The following AGBL4 variants were observed in gnomAD, a reference collection of about 807,000 sequenced individuals.
AGBL4 encodes cytosolic carboxypeptidase 6.
AGBL4 carries 58 observed loss-of-function variants against 66.4 expected under a neutral mutation model. The ratio of observed to expected loss-of-function variants is 0.87; its 90% confidence interval spans 0.71 to 1.09. AGBL4 has a LOEUF of 1.09. Ranked by LOEUF, AGBL4 falls within the 50% of genes least tolerant of loss-of-function variation. AGBL4 has a pLI of 0.00. For missense variants in AGBL4, 579 were observed against 631.0 expected (o/e 0.92, Z 0.88); for synonymous variants, 234 against 222.9 (o/e 1.05, Z -0.44).
At chr1:49,948,316 A>C (rs1290871757) in intron 1 of AGBL4, among the ~76,000 whole-genome samples, 1 of 111,862 alleles carries the variant, frequency 8.9e-6, no homozygotes, top group Non-Finnish European at 1.6e-5. Flanking sequence ...AAATATATAT[A>C]TAAATATATA....
chr1:48,870,869 C>T (rs1402565369), intron 5 of AGBL4, among the ~76,000 whole-genome samples: 1 of 152,182 alleles, frequency 6.6e-6, no homozygotes, highest in African/African-American at 2.4e-5. Context: ...ATTACAAAAC[C>T]TGCATGTTCT....
At chr1:48,619,095 G>T (rs187951418) in intron 9 of AGBL4, among the ~76,000 whole-genome samples, 1 of 152,300 alleles carries the variant, frequency 6.6e-6, no homozygotes, top group East Asian at 1.9e-4. Flanking sequence ...CTGCACTAGG[G>T]TCGTGGGCCT....
intron 3 of AGBL4, among the ~76,000 whole-genome samples, chr1:49,674,646 C>T (rs1646545871): frequency 6.6e-6 from 1 of 150,628 alleles, no homozygotes; most frequent in Non-Finnish European, 1.5e-5. Context: ...GCTAATGAGA[C>T]AGAAGAAAAA....
intron 1 of AGBL4, among the ~76,000 whole-genome samples, chr1:49,872,091 T>C (rs1403488544): frequency 2.0e-5 from 3 of 152,076 alleles, no homozygotes; most frequent in African/African-American, 4.8e-5. Context: ...AAAATTAAAA[T>C]AATATTTTGT....
intron 6 of AGBL4, among the ~76,000 whole-genome samples, chr1:48,673,983 GT>G (rs975947940): frequency 1.2e-4 from 19 of 152,052 alleles, no homozygotes; most frequent in African/African-American, 4.3e-4. Context: ...TCTCACTCCC[GT>G]ACTCCCAGTC....
chr1:49,636,200 C>T (rs927501950), intron 3 of AGBL4, among the ~76,000 whole-genome samples: 2 of 152,178 alleles, frequency 1.3e-5, no homozygotes, highest in Admixed American at 6.5e-5. Flanking sequence ...AAACAACAAA[C>T]TCTTATTTCT....
intron 5 of AGBL4, among the ~76,000 whole-genome samples, chr1:49,002,925 C>T (rs1380028846): frequency 1.3e-5 from 2 of 152,174 alleles, no homozygotes; most frequent in Non-Finnish European, 2.9e-5. Flanking sequence ...AGACCAGGAG[C>T]AGAGGCTTAG....
chr1:49,167,691 T>C (rs151205262), intron 4 of AGBL4, among the ~76,000 whole-genome samples: 112 of 152,332 alleles, frequency 7.4e-4, no homozygotes, highest in African/African-American at 2.6e-3. Context: ...GTGCTCTATG[T>C]TATGATTCAA....
intron 3 of AGBL4, among the ~76,000 whole-genome samples, chr1:49,431,354 A>G (rs1294638439): frequency 6.6e-6 from 1 of 152,224 alleles, no homozygotes; most frequent in Non-Finnish European, 1.5e-5. Flanking sequence ...CACAGCAATT[A>G]AAAATAACAT....
chr1:48,967,312 C>T lies in AGBL4; in HGVS notation c.594+78272G>A, dbSNP rs896428823. On this transcript the variant is annotated intron_variant, in intron 5 of 13. Coordinates refer to ENST00000371839, the MANE Select transcript of AGBL4 (RefSeq NM_032785.4). ...GTCACTATCATCATAATTCTGCTGC[C>T]CCCATCACCTTCATTCATAATTCAC... 3.9e-5 allele frequency among the ~76,000 whole-genome samples: 6 copies of T among 152,164 alleles called. No individual in the cohort carries two copies. The East Asian group carries it at 1.2e-3, about 29-fold the overall frequency.
chr1:48,845,558 A>C (rs1372866997), intron 6 of AGBL4, among the ~76,000 whole-genome samples: 8 of 152,146 alleles, frequency 5.3e-5, no homozygotes, highest in African/African-American at 1.9e-4. Flanking sequence ...GGTATTAATC[A>C]CTCTCTTTGC....
chr1:49,353,730 C>T (rs1049829220), intron 3 of AGBL4, among the ~76,000 whole-genome samples: 16 of 152,074 alleles, frequency 1.1e-4, no homozygotes, highest in Admixed American at 7.2e-4. Context: ...CCAGGCTCCA[C>T]GAGCAGAAGA....
chr1:48,612,789 G>A (rs1042392998), intron 9 of AGBL4, among the ~76,000 whole-genome samples: 2 of 152,282 alleles, frequency 1.3e-5, no homozygotes, highest in South Asian at 2.1e-4. Flanking sequence ...TTTAAAAAAT[G>A]TTTTCTCACA....
chr1:48,535,468 C>G (rs535790645), intron 12 of AGBL4, among the ~76,000 whole-genome samples: 2 of 152,124 alleles, frequency 1.3e-5, no homozygotes, highest in East Asian at 1.9e-4. Context: ...GATGTGTACG[C>G]TTTTTCTCTA....
intron 3 of AGBL4, among the ~76,000 whole-genome samples, chr1:49,341,964 TG>T (rs1491002213): frequency 1.3e-5 from 2 of 152,096 alleles, no homozygotes. Context: ...TAGACATCCA[TG>T]GGGGACAGAT....
intron 3 of AGBL4, among the ~76,000 whole-genome samples, chr1:49,466,017 G>A (rs1439720874): frequency 1.3e-5 from 2 of 151,806 alleles, no homozygotes; most frequent in Non-Finnish European, 2.9e-5. Context: ...GGCGTGGCAA[G>A]GCCCATGGTA....
intron 5 of AGBL4, among the ~76,000 whole-genome samples, chr1:48,981,141 A>G (rs1240103195): frequency 6.6e-6 from 1 of 152,176 alleles, no homozygotes; most frequent in East Asian, 1.9e-4. Flanking sequence ...TCATAGACAT[A>G]GCAACACAAG....
chr1:48,652,580 C>A (rs990643217), intron 8 of AGBL4, among the ~76,000 whole-genome samples: 1 of 152,062 alleles, frequency 6.6e-6, no homozygotes, highest in Non-Finnish European at 1.5e-5. Flanking sequence ...AGTCGTGGGC[C>A]GAACGAGCTC....
intron 1 of AGBL4, among the ~76,000 whole-genome samples, chr1:49,859,604 A>G (rs1414995663): frequency 6.6e-6 from 1 of 152,170 alleles, no homozygotes; most frequent in African/African-American, 2.4e-5. Flanking sequence ...AGGAATCTTT[A>G]TATCTTTATC....
Sources: allele counts gnomAD v4.1 joint callset (sites outside exome capture counted in the v4.1 genomes callset), GRCh38; gene constraint gnomAD v4.1.1; transcripts MANE v1.5; gene names NCBI Gene and HGNC (gene_info 2026-07-23, HGNC 2026-07-21).